The following ZSCAN30 variants were observed in gnomAD, a reference collection of about 807,000 sequenced individuals.
ZSCAN30 encodes the protein zinc finger and SCAN domain containing 30.
Under a neutral mutation model 44.3 loss-of-function variants are expected in ZSCAN30, and 37 were observed. The observed-to-expected ratio is 0.84, with a 90% CI of 0.64 to 1.10. The LOEUF (loss-of-function observed/expected upper bound fraction) is 1.10, where lower values mean the gene tolerates loss of function less well. Among genes scored for constraint, ZSCAN30 ranks in the 50% least tolerant of loss-of-function variants. The pLI is 0.00. For missense variants in ZSCAN30, 549 were observed against 582.6 expected, an observed-to-expected ratio of 0.94 and a Z score of 0.59; for synonymous variants, 181 against 204.6, an observed-to-expected ratio of 0.88 and a Z score of 0.98.
In ZSCAN30 at chr18:35,251,837, C is replaced by T. The variant is rs2143634186; in HGVS notation, c.*1613G>A. 6.6e-6 allele frequency: 1 copy of T among 151,814 alleles called. No homozygotes were observed. The highest frequency in any genetic ancestry group is 6.6e-5 in the Admixed American group (1 of 15,232). 9.4% of individuals were successfully genotyped at this position (151,814 alleles called of 1,614,324 possible). A position where few individuals can be genotyped will look rare whatever the true frequency, so the allele number is the denominator to read the frequency against. On this transcript the variant is annotated 3_prime_UTR_variant, in exon 4 of 4. Coordinates refer to ENST00000333206, the MANE Select transcript of ZSCAN30 (RefSeq NM_001112734.4). ...TAAATTACCCAGTATCAGGTAGTAT[C>T]TTCATAGCACTGTGAAAATGGACTA...
At chr18:35,260,723 T>A (rs1250719860) in intron 3 of ZSCAN30, 1 of 152,190 alleles carries the variant, frequency 6.6e-6, no homozygotes, top group Non-Finnish European at 1.5e-5. Flanking sequence ...TCTTGTAAAT[T>A]TGTTTAAGTT....
At chr18:35,261,624 G>A (rs2044031764) in intron 3 of ZSCAN30, 2 of 127,482 alleles carry the variant, frequency 1.6e-5, no homozygotes, top group Admixed American at 1.7e-4. Flanking sequence ...AATTGTGAAT[G>A]GGAGTTAATC....
Position 35,254,349 on chromosome 18 carries a change from C to A in ZSCAN30, c.586G>T (p.Ala196Ser). The A allele has an allele frequency of 5.6e-6, 9 of 1,613,852 alleles. No homozygotes were observed. The highest frequency in any genetic ancestry group is 7.6e-6 in the Non-Finnish European group (9 of 1,179,750). ...GRMVAGKVLM[A>S]KQEIVECVAS... is the part of the protein sequence containing the mutation. ...ACACATTCAACAATTTCTTGCTTTG[C>A]CATCAACACTTTGCCAGCCACCATC... The change falls in exon 4 of 4, where the codon GCA (alanine) becomes TCA (serine). Residue 196 changes from alanine to serine, a missense_variant. By Grantham distance (99) the Ala-to-Ser change is moderately conservative (BLOSUM62 1). Transcript: ENST00000333206.
chr18:35,281,934 A>T (rs1027633840), intron 1 of ZSCAN30: 3 of 152,054 alleles, frequency 2.0e-5, no homozygotes, highest in Non-Finnish European at 4.4e-5. Flanking sequence ...GCTTGTGTAA[A>T]ATACTGTGAG....
chr18:35,261,658 ATTG>A (rs1373639848), intron 3 of ZSCAN30: 12 of 149,214 alleles, frequency 8.0e-5, no homozygotes, highest in African/African-American at 3.0e-4. Flanking sequence ...TGGTTGTCTT[ATTG>A]TTGTTCAGGT....
chr18:35,275,363 T>C (rs374702648), intron 1 of ZSCAN30, among the ~76,000 whole-genome samples: 15 of 152,256 alleles, frequency 9.9e-5, no homozygotes, highest in East Asian at 5.8e-4. Flanking sequence ...ATCAATCTTA[T>C]GTTTTTCTAG....
Position 35,284,271 on chromosome 18 carries a change from G to C in ZSCAN30, c.-104+5813C>G, listed in dbSNP as rs71363495. Reference sequence around the variant, plus strand: ...ATTGGTCCATTGGTGGCCATGGGCAGGTCCAAGAAAAAGCACCACCAGTTC... The same window carrying C: ...ATTGGTCCATTGGTGGCCATGGGCACGTCCAAGAAAAAGCACCACCAGTTC... On this transcript the variant is annotated intron_variant, in intron 1 of 3. Transcript: ENST00000333206. The C allele has an allele frequency of 5.2e-3, 798 of 152,574 alleles. 4 individuals are homozygous for C. Among genetic ancestry groups the C allele is most frequent in the Non-Finnish European group, 8.1e-3 (551 of 68,192 alleles). 9.5% of individuals were successfully genotyped at this position (152,574 alleles called of 1,614,324 possible).
chr18:35,277,351 G>T (rs1054007363), intron 1 of ZSCAN30, among the ~76,000 whole-genome samples: 5 of 152,048 alleles, frequency 3.3e-5, no homozygotes, highest in African/African-American at 1.2e-4. Context: ...GATTTGGGAG[G>T]GGCCAGGGGC....
At chr18:35,272,349 A>G (rs1198055605) in intron 1 of ZSCAN30, among the ~76,000 whole-genome samples, 1 of 70,344 alleles carries the variant, frequency 1.4e-5, no homozygotes, top group East Asian at 2.8e-4. Flanking sequence ...CATTTTAGAA[A>G]GTTTTTTTTT....
At chr18:35,257,888 C>T (rs2043893707) in intron 3 of ZSCAN30, 1 of 780,940 alleles carries the variant, frequency 1.3e-6, no homozygotes, top group African/African-American at 1.7e-5. Context: ...ATTGCTTGCT[C>T]TTTTCCCTTC....
intron 1 of ZSCAN30, among the ~76,000 whole-genome samples, chr18:35,280,626 A>G (rs1285234713): frequency 6.6e-6 from 1 of 152,170 alleles, no homozygotes; most frequent in Non-Finnish European, 1.5e-5. Flanking sequence ...ACTGGCCATT[A>G]TTTTCTTTTC....
intron 1 of ZSCAN30, among the ~76,000 whole-genome samples, chr18:35,285,957 C>T (rs916069941): frequency 9.2e-5 from 14 of 151,930 alleles, no homozygotes; most frequent in Middle Eastern, 3.2e-3. Flanking sequence ...CTGGCCTATC[C>T]GACAAGGGGA....
chr18:35,260,532 C>T (rs527652111), intron 3 of ZSCAN30: 15 of 152,192 alleles, frequency 9.9e-5, no homozygotes, highest in African/African-American at 2.6e-4. Flanking sequence ...TGTTGTTTCT[C>T]GACTTTTTAA....
intron 1 of ZSCAN30, among the ~76,000 whole-genome samples, chr18:35,271,963 G>A (rs904332586): frequency 4.6e-5 from 7 of 152,102 alleles, no homozygotes; most frequent in East Asian, 1.9e-4. Context: ...CCGAGCCCGC[G>A]CCCACCCGGA....
chr18:35,271,225 C>T (rs2044267854), intron 1 of ZSCAN30, among the ~76,000 whole-genome samples: 1 of 152,212 alleles, frequency 6.6e-6, no homozygotes. Flanking sequence ...TGGCCCCACC[C>T]ACATCCTACT....
chr18:35,283,844 G>C (rs2044504111), intron 1 of ZSCAN30: 1 of 152,398 alleles, frequency 6.6e-6, no homozygotes, highest in Non-Finnish European at 1.5e-5. Flanking sequence ...AGCTCTGTTT[G>C]TGTTACAGCT....
chr18:35,253,496 T>C lies in ZSCAN30; in HGVS notation c.1439A>G (p.His480Arg). ...CTGATGCTGCATAAGGCCTGACCTA[T>C]GCCTAAATGTTTTTCTACATTCACT... ...ECSECRKTFR[H>R]RSGLMQHQRT... The change falls in exon 4 of 4, where the codon CAT becomes CGT. Residue 480 changes from histidine to arginine, a missense_variant. His to Arg is a conservative substitution (Grantham distance 29, BLOSUM62 0). Transcript: ENST00000333206. 1 of 1,608,486 alleles carries C rather than the reference T, an allele frequency of 6.2e-7. No individual in the cohort carries two copies. The highest frequency in any genetic ancestry group is 8.5e-7 in the Non-Finnish European group (1 of 1,176,330).
intron 1 of ZSCAN30, among the ~76,000 whole-genome samples, chr18:35,275,548 G>C (rs2044354278): frequency 6.6e-6 from 1 of 152,044 alleles, no homozygotes; most frequent in South Asian, 2.1e-4. Flanking sequence ...CTTAGCATAG[G>C]AGAAGGGCCA....
rs561623121 is a variant in ZSCAN30, at chr18:35,279,395, G to A, written c.-104+10689C>T. Among the ~76,000 whole-genome samples, 137 of 152,252 alleles carry A rather than the reference G, an allele frequency of 9.0e-4. 1 individual carries two copies. Among genetic ancestry groups the A allele is most frequent in the African/African-American group, 3.1e-3 (130 of 41,554 alleles). On this transcript the variant is annotated intron_variant, in intron 1 of 3. Coordinates refer to ENST00000333206, the MANE Select transcript of ZSCAN30 (RefSeq NM_001112734.4). ...TCCATCATCACATGCATTCTCCTCT[G>A]TCTCCTCTGTGTCTGAATTTGCCTA...
Sources: allele counts gnomAD v4.1 joint callset (sites outside exome capture counted in the v4.1 genomes callset), GRCh38; gene constraint gnomAD v4.1.1; transcripts MANE v1.5; gene names NCBI Gene and HGNC (gene_info 2026-07-23, HGNC 2026-07-21).